The following CNIH3 variants were observed in gnomAD, a reference collection of about 807,000 sequenced individuals.
The protein encoded by CNIH3 is cornichon family AMPA receptor auxiliary protein 3.
A neutral mutation model predicts 24.1 loss-of-function variants in CNIH3; 14 were observed. That is an observed-to-expected ratio of 0.58 (90% CI 0.38 to 0.91). The LOEUF (loss-of-function observed/expected upper bound fraction) is 0.91, where lower values mean the gene tolerates loss of function less well. Ranked by LOEUF, CNIH3 falls within the 40% of genes least tolerant of loss-of-function variation. CNIH3 has a pLI of 0.00. For missense variants in CNIH3, 178 were observed against 196.8 expected (o/e 0.90, Z 0.57); for synonymous variants, 68 against 73.8 (o/e 0.92, Z 0.40).
intron 3 of CNIH3, among the ~76,000 whole-genome samples, chr1:224,555,926 C>A (rs1223782158): frequency 6.6e-6 from 1 of 152,220 alleles, no homozygotes; most frequent in Non-Finnish European, 1.5e-5. Context: ...TATTGACTCC[C>A]ACCAGTTAGA....
intron 3 of CNIH3, among the ~76,000 whole-genome samples, chr1:224,601,040 G>A (rs1572557741): frequency 6.6e-6 from 1 of 152,224 alleles, no homozygotes; most frequent in South Asian, 2.1e-4. Flanking sequence ...GTGAGAGATG[G>A]AGGCAAGTTT....
intron 1 of CNIH3, among the ~76,000 whole-genome samples, chr1:224,479,964 T>G (rs1676740481): frequency 6.6e-6 from 1 of 152,192 alleles, no homozygotes; most frequent in South Asian, 2.1e-4. Flanking sequence ...GTAGAGACTC[T>G]GTGTGGGGGC....
At chr1:224,701,561 A>G (rs1687492031) in intron 3 of CNIH3, among the ~76,000 whole-genome samples, 1 of 152,148 alleles carries the variant, frequency 6.6e-6, no homozygotes, top group African/African-American at 2.4e-5. Context: ...ACACCATCAC[A>G]TTAGGGGGTA....
At chr1:224,515,000 T>A (rs1678321601), upstream of CNIH3, among the ~76,000 whole-genome samples, 1 of 152,252 alleles carries the variant, frequency 6.6e-6, no homozygotes, top group South Asian at 2.1e-4. Flanking sequence ...TGGGTACCTG[T>A]TCCTCTCTGG....
intron 1 of CNIH3, among the ~76,000 whole-genome samples, chr1:224,618,139 A>AGTGC: frequency 1.3e-5 from 2 of 152,360 alleles, no homozygotes; most frequent in Middle Eastern, 6.8e-3. Flanking sequence ...AGCGCGCAGG[A>AGTGC]GTGCGTACGC....
chr1:224,606,140 C>T (rs1051680037), intron 3 of CNIH3, among the ~76,000 whole-genome samples: 8 of 152,010 alleles, frequency 5.3e-5, no homozygotes, highest in African/African-American at 1.7e-4. Context: ...TGGGTACTTG[C>T]GACCCCCCCA....
At chr1:224,439,416 T>C (rs1674798689) in intron 1 of CNIH3, among the ~76,000 whole-genome samples, 1 of 152,104 alleles carries the variant, frequency 6.6e-6, no homozygotes, top group Non-Finnish European at 1.5e-5. Context: ...TAAATAACAA[T>C]GTTGCAGGAA....
rs1675770083 is a variant in CNIH3 at position 224,458,471 on chromosome 1, G to C, written n.203+23609G>C. Among the ~76,000 whole-genome samples the C allele has an allele frequency of 6.6e-6, 1 of 152,192 alleles. No homozygotes were observed. Among genetic ancestry groups the C allele is most frequent in the Admixed American group, 6.5e-5 (1 of 15,278 alleles). ...AGATGCTCCCCAGCTCCTGACATCA[G>C]AGAGAAGGGCTGGGATTGTGGCCTG... On this transcript the variant is annotated intron_variant and non_coding_transcript_variant, in intron 1 of 5. Coordinates refer to the CNIH3 transcript ENST00000471578. This position sits in a 1 kb window ranked among gnomAD's most constrained non-coding sequence, Gnocchi z 4.3.
chr1:224,484,117 G>A (rs1310087401), intron 1 of CNIH3, among the ~76,000 whole-genome samples: 4 of 151,496 alleles, frequency 2.6e-5, no homozygotes, highest in African/African-American at 7.3e-5. Flanking sequence ...GTTGCAGTGA[G>A]CGGAGATCGC....
At chr1:224,649,684 G>C (rs13374487) in intron 1 of CNIH3, among the ~76,000 whole-genome samples, 1 of 151,964 alleles carries the variant, frequency 6.6e-6, no homozygotes, top group Non-Finnish European at 1.5e-5. Flanking sequence ...AACTTTGCCC[G>C]AGGAAAGAAA....
intron 1 of CNIH3, among the ~76,000 whole-genome samples, chr1:224,646,137 A>T (rs1380392851): frequency 9.2e-6 from 1 of 108,750 alleles, no homozygotes; most frequent in Admixed American, 9.7e-5. Context: ...CTAACGTAAG[A>T]CAGCAGAGGT....
chr1:224,443,662 T>TATAGATAG (rs5781369), intron 1 of CNIH3, among the ~76,000 whole-genome samples: 120 of 148,966 alleles, frequency 8.1e-4, no homozygotes, highest in African/African-American at 2.8e-3. Context: ...CAATTATATA[T>TATAGATAG]ATAGATAGAT....
chr1:224,444,667 C>T (rs948644050), intron 1 of CNIH3, among the ~76,000 whole-genome samples: 13 of 149,432 alleles, frequency 8.7e-5, no homozygotes, highest in Non-Finnish European at 1.0e-4. Flanking sequence ...TTTTTTTAGA[C>T]GGAATCTTTC....
intron 3 of CNIH3, among the ~76,000 whole-genome samples, chr1:224,593,730 G>A (rs763900053): frequency 7.2e-5 from 11 of 152,176 alleles, no homozygotes; most frequent in Non-Finnish European, 1.2e-4. Context: ...ATTACAGGAC[G>A]TGAGCAAATT....
chr1:224,596,072 A>T (rs926918394), intron 3 of CNIH3, among the ~76,000 whole-genome samples: 1 of 152,240 alleles, frequency 6.6e-6, no homozygotes, highest in Non-Finnish European at 1.5e-5. Context: ...TGGCTACACT[A>T]AACAACAGAT....
At chr1:224,702,087 C>T (rs374744330) in intron 3 of CNIH3, among the ~76,000 whole-genome samples, 1,952 of 63,040 alleles carry the variant, frequency 0.031, 45 homozygotes, top group African/African-American at 0.068. Context: ...TACACTCCAG[C>T]TCAGTTTTTT....
At position 224,604,595 on chromosome 1, in the gene CNIH3, G is replaced by A. The variant is rs544118166; in HGVS notation, n.402+38331G>A. Among the ~76,000 whole-genome samples, 2 of 152,208 alleles carry A rather than the reference G, an allele frequency of 1.3e-5. No homozygotes were observed. The highest frequency in any genetic ancestry group is 6.5e-5 in the Admixed American group (1 of 15,282). ...TGTGGCACCAGGGAGGCTGGAGCCA[G>A]GGATGGGGCTCCCAGACTGTTTAGC... On this transcript the variant is annotated intron_variant and non_coding_transcript_variant, in intron 3 of 7. Coordinates refer to the CNIH3 transcript ENST00000478120. This position sits in a 1 kb window ranked among gnomAD's most constrained non-coding sequence, Gnocchi z 4.4.
In CNIH3 at chr1:224,704,061, CTA is replaced by C. The variant is rs1687647282; in HGVS notation, c.198+19219_198+19220del. ...GCCTTTGGTGGAGTGAGAACATGAA[CTA>C]CTGTTCAGGAGGTAGGGGCATGGAC... On this transcript the variant is annotated intron_variant, in intron 3 of 5. Coordinates refer to ENST00000272133, the MANE Select transcript of CNIH3 (RefSeq NM_152495.2). This position sits in a 1 kb window ranked among gnomAD's most constrained non-coding sequence, Gnocchi z 4.2. 2.6e-5 allele frequency among the ~76,000 whole-genome samples: 4 copies of C among 152,178 alleles called. 1 individual carries two copies. In the South Asian group the frequency reaches 8.3e-4, roughly 31 times the overall value.
At chr1:224,642,234 T>C (rs1684396819) in intron 1 of CNIH3, among the ~76,000 whole-genome samples, 1 of 152,194 alleles carries the variant, frequency 6.6e-6, no homozygotes, top group African/African-American at 2.4e-5. Flanking sequence ...ATGCAGATAC[T>C]GTTTTTTTTC....
Sources: gnomAD v4.1 joint callset for allele counts (sites outside exome capture counted in the v4.1 genomes callset) on GRCh38, gnomAD v4.1.1 for gene constraint, Gnocchi (gnomAD v3.1) non-coding constraint, MANE v1.5 for transcripts, NCBI Gene and HGNC (gene_info 2026-07-23, HGNC 2026-07-21) for gene names.